BAZ2B: variants seen among roughly 807,000 people sequenced by gnomAD.
BAZ2B encodes bromodomain adjacent to zinc finger domain 2B, also known as bromodomain adjacent to zinc finger domain protein 2B.
BAZ2B carries 91 observed loss-of-function variants against 246.0 expected under a neutral mutation model. The ratio of observed to expected loss-of-function variants is 0.37; its 90% CI spans 0.31 to 0.44. The LOEUF (loss-of-function observed/expected upper bound fraction) is 0.44. Among genes scored for constraint, BAZ2B ranks in the 20% least tolerant of loss-of-function variants. BAZ2B has a pLI of 1.00. For missense variants in BAZ2B, 2,332 were observed against 2,533.7 expected (o/e 0.92, Z 1.71); for synonymous variants, 855 against 860.0 (o/e 0.99, Z 0.10).
chr2:159,499,770 C>A (rs1358954797), intron 2 of BAZ2B, among the ~76,000 whole-genome samples: 3 of 152,090 alleles, frequency 2.0e-5, no homozygotes, highest in Non-Finnish European at 4.4e-5. Flanking sequence ...CTCTAATGAT[C>A]AGTGATGTTG....
At chr2:159,498,191 C>A (rs1484240208) in intron 2 of BAZ2B, among the ~76,000 whole-genome samples, 3 of 152,042 alleles carry the variant, frequency 2.0e-5, no homozygotes, top group Admixed American at 2.0e-4. Flanking sequence ...CACTTCCTGC[C>A]AGGTATTTTG....
the BAZ2B span, among the ~76,000 whole-genome samples, chr2:159,675,105 A>G: frequency 7.2e-5 from 11 of 152,140 alleles, no homozygotes; most frequent in Non-Finnish European, 1.2e-4. Flanking sequence ...TTTAGACTGG[A>G]ATAAGATTTA....
chr2:159,380,085 C>G (rs949686748), intron 25 of BAZ2B, among the ~76,000 whole-genome samples: 1 of 152,134 alleles, frequency 6.6e-6, no homozygotes, highest in African/African-American at 2.4e-5. Context: ...GCTCCTTCAC[C>G]TTGATTGAAG....
At chr2:159,574,236 G>A (rs1246140878) in intron 1 of BAZ2B, among the ~76,000 whole-genome samples, 1 of 151,514 alleles carries the variant, frequency 6.6e-6, no homozygotes, top group South Asian at 2.1e-4. Flanking sequence ...ATACACAAAT[G>A]GCCAATAAGC....
rs572496536 is a variant in BAZ2B, at chr2:159,349,565, AC to A, written c.4863+142del. On this transcript the variant is annotated intron_variant, in intron 28 of 36. Transcript: ENST00000392783. Reference sequence around the variant, plus strand: ...TCAGTAGTTCTAATGAACCTTGGTGACAGAAATTCTGACTTGTTTTAGTTTT... The same window carrying A: ...TCAGTAGTTCTAATGAACCTTGGTGAAGAAATTCTGACTTGTTTTAGTTTT... 390 of 1,019,296 alleles carry A rather than the reference AC, an allele frequency of 3.8e-4. 1 individual carries two copies. The South Asian group carries it at 6.8e-3, about 18-fold the overall frequency. 63.1% of individuals were successfully genotyped at this position (1,019,296 alleles called of 1,614,324 possible). A position where few individuals can be genotyped will look rare whatever the true frequency, so the allele number is the denominator to read the frequency against.
intron 1 of BAZ2B, among the ~76,000 whole-genome samples, chr2:159,592,574 C>A (rs1226680472): frequency 1.3e-5 from 2 of 152,232 alleles, no homozygotes; most frequent in Non-Finnish European, 2.9e-5. Context: ...TCTCTCTCAA[C>A]TCTCACCCAC....
chr2:159,365,192 A>G (rs2060094702), intron 27 of BAZ2B, among the ~76,000 whole-genome samples: 1 of 152,154 alleles, frequency 6.6e-6, no homozygotes. Flanking sequence ...GTAGAATGGT[A>G]TTGCCAACAT....
At chr2:159,452,462 A>G (rs1159883452) in intron 4 of BAZ2B, among the ~76,000 whole-genome samples, 1 of 152,210 alleles carries the variant, frequency 6.6e-6, no homozygotes, top group East Asian at 1.9e-4. Context: ...AACTGAGGCT[A>G]AGAGGTCAGA....
At chr2:159,547,087 T>A (rs1388101123) in intron 2 of BAZ2B, among the ~76,000 whole-genome samples, 1 of 152,144 alleles carries the variant, frequency 6.6e-6, no homozygotes, top group East Asian at 1.9e-4. Flanking sequence ...ACAAAAATCG[T>A]AAATTTTATG....
At chr2:159,596,736 C>T (rs1218821734) in intron 1 of BAZ2B, among the ~76,000 whole-genome samples, 1 of 152,186 alleles carries the variant, frequency 6.6e-6, no homozygotes, top group Non-Finnish European at 1.5e-5. Flanking sequence ...TATGCCTTTG[C>T]ATCCTCGTAT....
At chr2:159,638,475 T>G in the BAZ2B span, among the ~76,000 whole-genome samples, 9 of 152,138 alleles carry the variant, frequency 5.9e-5, no homozygotes, top group Non-Finnish European at 1.3e-4. Flanking sequence ...ATAGCTGTTG[T>G]GAGGAAGCTT....
At chr2:159,341,372 C>T (rs1203729692) in intron 31 of BAZ2B, among the ~76,000 whole-genome samples, 1 of 152,114 alleles carries the variant, frequency 6.6e-6, no homozygotes, top group African/African-American at 2.4e-5. Flanking sequence ...ACAGAGCACT[C>T]AATACATAAA....
chr2:159,317,862 C>T (rs56994944), downstream of BAZ2B, among the ~76,000 whole-genome samples: 10,031 of 151,990 alleles, frequency 0.066, 771 homozygotes, highest in African/African-American at 0.18. Context: ...AAGTGATCCA[C>T]GTATGTATAG....
At chr2:159,530,184 C>T in intron 2 of BAZ2B, among the ~76,000 whole-genome samples, 1 of 152,314 alleles carries the variant, frequency 6.6e-6, no homozygotes, top group East Asian at 1.9e-4. Flanking sequence ...GTAACCTTCA[C>T]CCTCTAAAAC....
intron 1 of BAZ2B, among the ~76,000 whole-genome samples, chr2:159,579,657 T>C (rs1341196600): frequency 6.6e-6 from 1 of 152,120 alleles, no homozygotes; most frequent in Non-Finnish European, 1.5e-5. Flanking sequence ...CTGATGAACA[T>C]CGATGCAAAA....
intron 2 of BAZ2B, among the ~76,000 whole-genome samples, chr2:159,512,346 C>T (rs2083016010): frequency 6.6e-6 from 1 of 152,144 alleles, no homozygotes; most frequent in South Asian, 2.1e-4. Context: ...GGCATTGTCA[C>T]CTCAAAAGTA....
intron 15 of BAZ2B, 36 bp from the exon 16 acceptor site, chr2:159,404,946 G>T: frequency 6.2e-7 from 1 of 1,611,772 alleles, no homozygotes; most frequent in South Asian, 1.1e-5. Context: ...CATCAAAAAG[G>T]GAATGAAGAA....
At chr2:159,545,301 T>C (rs928273262) in intron 2 of BAZ2B, among the ~76,000 whole-genome samples, 3 of 152,224 alleles carry the variant, frequency 2.0e-5, no homozygotes, top group Non-Finnish European at 4.4e-5. Context: ...TGAAGCACTC[T>C]GGTTACATCT....
the BAZ2B span, among the ~76,000 whole-genome samples, chr2:159,692,231 G>A: frequency 1.2e-4 from 18 of 151,606 alleles, no homozygotes; most frequent in East Asian, 9.7e-4. Context: ...CTCAGCTCAC[G>A]GTAACCTCTG....
Sources: gnomAD v4.1 joint callset for allele counts (sites outside exome capture counted in the v4.1 genomes callset) on GRCh38, gnomAD v4.1.1 for gene constraint, MANE v1.5 for transcripts, NCBI Gene and HGNC (gene_info 2026-07-23, HGNC 2026-07-21) for gene names.